The following ABI2 variants were observed in gnomAD, a reference collection of about 807,000 sequenced individuals.
ABI2 encodes the protein abl interactor 2, also known as abelson interactor 2.
In ABI2, 25 loss-of-function variants were observed where a neutral mutation model predicts 59.2. The ratio of observed to expected loss-of-function variants is 0.42; its 90% confidence interval spans 0.31 to 0.59. ABI2 has a LOEUF of 0.59. Ranked by LOEUF, ABI2 falls within the 20% of genes least tolerant of loss-of-function variation. The pLI, the probability that ABI2 is intolerant of heterozygous loss-of-function variation, is 0.14. For synonymous variants in ABI2, 213 were observed against 235.5 expected (o/e 0.90, Z 0.87); for missense variants, 545 against 681.8 (o/e 0.80, Z 2.23).
intron 9 of ABI2, chr2:203,403,288 T>C (rs1167151201): frequency 2.0e-5 from 3 of 153,748 alleles, no homozygotes; most frequent in Non-Finnish European, 4.4e-5. Context: ...GGAACATATT[T>C]AATAATTATT....
At chr2:203,391,463 C>T (rs1276401038) in intron 5 of ABI2, among the ~76,000 whole-genome samples, 1 of 152,128 alleles carries the variant, frequency 6.6e-6, no homozygotes, top group African/African-American at 2.4e-5. Flanking sequence ...TACAGTTTAA[C>T]TCCAACTATC....
intron 4 of ABI2, among the ~76,000 whole-genome samples, chr2:203,384,296 T>G (rs112389518): frequency 0.036 from 876 of 24,050 alleles, 18 homozygotes; most frequent in African/African-American, 0.078. Flanking sequence ...TTTTGTTTTT[T>G]TTTTTTTTTT....
intron 2 of ABI2, among the ~76,000 whole-genome samples, chr2:203,374,401 G>A (rs1577767697): frequency 6.6e-6 from 1 of 151,082 alleles, no homozygotes; most frequent in African/African-American, 2.4e-5. Flanking sequence ...TCTGGAGGCT[G>A]AGGTAGGAGA....
At chr2:203,409,134 G>A (rs2097555649) in intron 9 of ABI2, among the ~76,000 whole-genome samples, 2 of 152,108 alleles carry the variant, frequency 1.3e-5, no homozygotes, top group Admixed American at 6.6e-5. Flanking sequence ...CACCGCGCCC[G>A]GCCCAACTAC....
chr2:203,379,704 C>G (rs1303410141), intron 2 of ABI2, among the ~76,000 whole-genome samples: 2 of 152,138 alleles, frequency 1.3e-5, no homozygotes, highest in African/African-American at 4.8e-5. Context: ...GAAAAATTAG[C>G]ATGCTTTAAC....
At chr2:203,366,039 T>A (rs1450522262) in intron 1 of ABI2, among the ~76,000 whole-genome samples, 1 of 152,240 alleles carries the variant, frequency 6.6e-6, no homozygotes, top group Non-Finnish European at 1.5e-5. Flanking sequence ...GGTTTTTTCA[T>A]GTTCATATGT....
At chr2:203,378,128 T>C (rs2153181721) in intron 2 of ABI2, among the ~76,000 whole-genome samples, 1 of 152,018 alleles carries the variant, frequency 6.6e-6, no homozygotes, top group Admixed American at 6.5e-5. Context: ...CTTTTTTTTT[T>C]TTAAGATGGA....
intron 11 of ABI2, among the ~76,000 whole-genome samples, chr2:203,423,975 A>G (rs1206984651): frequency 6.6e-6 from 1 of 152,182 alleles, no homozygotes; most frequent in Non-Finnish European, 1.5e-5. Flanking sequence ...ACAATGTGTA[A>G]GTCCTTTTCT....
chr2:203,332,241 AT>A (rs1473823708), intron 1 of ABI2, among the ~76,000 whole-genome samples: 1 of 152,192 alleles, frequency 6.6e-6, no homozygotes, highest in Admixed American at 6.5e-5. Flanking sequence ...TATCAGATCA[AT>A]TTTATTTCTT....
At chr2:203,371,269 A>T (rs2095154212) in intron 2 of ABI2, among the ~76,000 whole-genome samples, 1 of 152,190 alleles carries the variant, frequency 6.6e-6, no homozygotes, top group African/African-American at 2.4e-5. Flanking sequence ...TGTTTCCCAA[A>T]TTACTCTGAA....
rs71007515 is a variant in ABI2, at chr2:203,415,616, CAAAAAAAAAA to C, written c.1280-1274_1280-1265del. ...TGGGCGATAGAGCGAGACTCCGTCT[CAAAAAAAAAA>C]AAAAAAAAAAAAAAAAATCCATTTA... On this transcript the variant is annotated intron_variant, in intron 10 of 11. Transcript: ENST00000261018. Among the ~76,000 whole-genome samples the C allele has an allele frequency of 2.6e-4, 11 of 42,338 alleles. No homozygotes were observed. In the East Asian group the frequency reaches 4.3e-3, roughly 16 times the overall value. The allele number at this position is 42,338 out of a possible 152,430, so 27.8% of individuals were successfully genotyped here.
chr2:203,431,269 A>G lies in ABI2; in HGVS notation c.*3917A>G, dbSNP rs961623633. 1.3e-5 allele frequency: 2 copies of G among 152,664 alleles called. No individual in the cohort carries two copies. The highest frequency in any genetic ancestry group is 2.4e-5 in the African/African-American group (1 of 41,454). The allele number at this position is 152,664 out of a possible 1,614,324, so 9.5% of individuals were successfully genotyped here. ...TTCATATGAACAGCTAGTTAATAAC[A>G]GCAGAGTTCTCACTCAGTGCTCAGT... On this transcript the variant is annotated 3_prime_UTR_variant, in exon 12 of 12. Transcript: ENST00000261018.
chr2:203,328,764 G>A, intron 1 of ABI2, 133 bp downstream of exon 1: 1 of 472,360 alleles, frequency 2.1e-6, no homozygotes, highest in Middle Eastern at 5.6e-4. Context: ...AGCTGGGTGA[G>A]GGCTGGGGCT....
intron 2 of ABI2, among the ~76,000 whole-genome samples, chr2:203,377,666 G>T (rs1451427572): frequency 6.6e-6 from 1 of 152,168 alleles, no homozygotes; most frequent in Non-Finnish European, 1.5e-5. Context: ...AGCACTTTGG[G>T]AGGCCAAGGT....
At chr2:203,345,471 C>T (rs2082785810) in intron 1 of ABI2, among the ~76,000 whole-genome samples, 1 of 152,170 alleles carries the variant, frequency 6.6e-6, no homozygotes, top group Admixed American at 6.5e-5. Context: ...CAATTCCGGA[C>T]ACAATCTTAG....
chr2:203,396,238 C>T (rs1024959369), intron 7 of ABI2, among the ~76,000 whole-genome samples: 2 of 152,020 alleles, frequency 1.3e-5, no homozygotes, highest in Admixed American at 6.5e-5. Flanking sequence ...TTATTTGATT[C>T]GAGGAGATAC....
chr2:203,408,219 A>G (rs1475591256), intron 9 of ABI2, among the ~76,000 whole-genome samples: 4 of 149,622 alleles, frequency 2.7e-5, no homozygotes, highest in Admixed American at 6.7e-5. Context: ...CTGGAGTGCA[A>G]TGGCATGATC....
At chr2:203,338,070 A>G (rs180905657) in intron 1 of ABI2, among the ~76,000 whole-genome samples, 80 of 152,342 alleles carry the variant, frequency 5.3e-4, no homozygotes, top group Non-Finnish European at 9.3e-4. Context: ...TTACTGGCAT[A>G]AAAGACATGT....
intron 9 of ABI2, among the ~76,000 whole-genome samples, chr2:203,407,760 G>A (rs1174638545): frequency 6.6e-6 from 1 of 152,136 alleles, no homozygotes; most frequent in East Asian, 1.9e-4. Context: ...TAAATGAAAT[G>A]AAAACAAGTT....
Sources: allele counts gnomAD v4.1 joint callset (sites outside exome capture counted in the v4.1 genomes callset), GRCh38; gene constraint gnomAD v4.1.1; transcripts MANE v1.5; gene names NCBI Gene and HGNC (gene_info 2026-07-23, HGNC 2026-07-21).